Variants in DLG2 observed in about 807,000 individuals in gnomAD.
The protein encoded by DLG2 is disks large homolog 2.
DLG2 carries 45 observed loss-of-function variants against 132.5 expected under a neutral mutation model. That is an observed-to-expected ratio of 0.34 (90% CI 0.27 to 0.44). The LOEUF (loss-of-function observed/expected upper bound fraction) is 0.44, where lower values mean the gene tolerates loss of function less well. DLG2 is among the 20% of genes least tolerant of loss of function. DLG2 has a pLI of 1.00. For synonymous variants in DLG2, 424 were observed against 419.6 expected, an observed-to-expected ratio of 1.01 and a Z score of -0.13; for missense variants, 1,045 against 1,196.9, an observed-to-expected ratio of 0.87 and a Z score of 1.87.
chr11:84,324,352 T>C (rs532962543), intron 7 of DLG2, among the ~76,000 whole-genome samples: 1 of 151,932 alleles, frequency 6.6e-6, no homozygotes, highest in African/African-American at 2.4e-5. Flanking sequence ...TAAAAGATCA[T>C]TTGATTTTTA....
intron 18 of DLG2, among the ~76,000 whole-genome samples, chr11:83,742,764 A>G (rs966042591): frequency 1.3e-5 from 2 of 152,190 alleles, no homozygotes; most frequent in African/African-American, 4.8e-5. Flanking sequence ...TCATTTTTAC[A>G]GTAGAATTAG....
chr11:84,604,391 A>G (rs2154535127), intron 6 of DLG2, among the ~76,000 whole-genome samples: 1 of 151,982 alleles, frequency 6.6e-6, no homozygotes, highest in East Asian at 1.9e-4. Flanking sequence ...AAGTAATGAT[A>G]AGATAATGAA....
chr11:84,321,322 T>A (rs1269564114), intron 7 of DLG2, among the ~76,000 whole-genome samples: 1 of 152,192 alleles, frequency 6.6e-6, no homozygotes, highest in East Asian at 1.9e-4. Context: ...GCTCTAATTC[T>A]CTCTCACACA....
At chr11:85,520,969 G>A (rs1341850196) in intron 3 of DLG2, among the ~76,000 whole-genome samples, 1 of 152,114 alleles carries the variant, frequency 6.6e-6, no homozygotes, top group Non-Finnish European at 1.5e-5. Flanking sequence ...GATTTCTTGA[G>A]TAGTACCCTA....
intron 19 of DLG2, among the ~76,000 whole-genome samples, chr11:83,605,501 A>C (rs1386913769): frequency 6.6e-6 from 1 of 152,246 alleles, no homozygotes; most frequent in African/African-American, 2.4e-5. Context: ...AACAGCAACA[A>C]CGATTGATTA....
chr11:84,006,065 T>G (rs1280874316), intron 11 of DLG2, among the ~76,000 whole-genome samples: 3 of 151,764 alleles, frequency 2.0e-5, no homozygotes, highest in African/African-American at 7.3e-5. Context: ...AGCAAAGACA[T>G]GAAATCAATC....
chr11:84,546,750 C>T (rs190848522), intron 6 of DLG2: 6 of 389,048 alleles, frequency 1.5e-5, no homozygotes, highest in East Asian at 1.2e-4. Context: ...CTCACAATGG[C>T]TCTTCAGACT....
chr11:84,282,996 T>A (rs528060043), intron 7 of DLG2, among the ~76,000 whole-genome samples: 25 of 152,326 alleles, frequency 1.6e-4, no homozygotes, highest in African/African-American at 6.0e-4. Flanking sequence ...AACCACTTCA[T>A]GTAATTTTGA....
chr11:83,949,012 C>T (rs925243957), intron 14 of DLG2, among the ~76,000 whole-genome samples: 1 of 152,088 alleles, frequency 6.6e-6, no homozygotes, highest in South Asian at 2.1e-4. Flanking sequence ...CATAGACTGG[C>T]ATATATATGG....
At chr11:85,475,459 A>G (rs1208033301) in intron 3 of DLG2, among the ~76,000 whole-genome samples, 1 of 152,094 alleles carries the variant, frequency 6.6e-6, no homozygotes, top group Non-Finnish European at 1.5e-5. Flanking sequence ...TCAAAACTCT[A>G]TAAAATAATA....
At chr11:85,593,819 A>G (rs2079538822) in intron 3 of DLG2, among the ~76,000 whole-genome samples, 1 of 152,154 alleles carries the variant, frequency 6.6e-6, no homozygotes, top group South Asian at 2.1e-4. Context: ...TACTCAAACT[A>G]AAACTCTTAT....
chr11:84,630,747 A>G (rs1001194892), intron 6 of DLG2, among the ~76,000 whole-genome samples: 1 of 152,154 alleles, frequency 6.6e-6, no homozygotes, highest in Non-Finnish European at 1.5e-5. Flanking sequence ...TTCTGATGGC[A>G]TAACTCTTTA....
At chr11:84,637,912 A>T (rs1220463430) in intron 6 of DLG2, among the ~76,000 whole-genome samples, 1 of 152,208 alleles carries the variant, frequency 6.6e-6, no homozygotes, top group Non-Finnish European at 1.5e-5. Flanking sequence ...AAAAAGTTAA[A>T]CATTTACAAC....
intron 9 of DLG2, among the ~76,000 whole-genome samples, chr11:84,100,941 A>C (rs2092468148): frequency 6.6e-6 from 1 of 152,170 alleles, no homozygotes; most frequent in Non-Finnish European, 1.5e-5. Flanking sequence ...TGAATAATTC[A>C]GCTATGGCAA....
chr11:83,880,467 C>A (rs1482983891), intron 15 of DLG2, among the ~76,000 whole-genome samples: 1 of 152,170 alleles, frequency 6.6e-6, no homozygotes, highest in East Asian at 1.9e-4. Context: ...TTCCAGTGAT[C>A]TGGCTGGGTA....
intron 7 of DLG2, among the ~76,000 whole-genome samples, chr11:84,288,682 CT>C (rs2097943549): frequency 6.6e-6 from 1 of 152,040 alleles, no homozygotes; most frequent in Non-Finnish European, 1.5e-5. Flanking sequence ...AGAAAAACCC[CT>C]AAATGAAACG....
chr11:83,722,974 C>T (rs987674362), intron 18 of DLG2, among the ~76,000 whole-genome samples: 1 of 152,112 alleles, frequency 6.6e-6, no homozygotes. Flanking sequence ...TATTTATGGC[C>T]CCTACCAGAA....
At chr11:84,944,415 A>AT (rs1464283104) in intron 6 of DLG2, among the ~76,000 whole-genome samples, 2 of 151,550 alleles carry the variant, frequency 1.3e-5, no homozygotes, top group Non-Finnish European at 2.9e-5. Context: ...TTGCTTCATC[A>AT]TTTTTTGTTT....
At chr11:85,613,807 T>A (rs901943785) in intron 2 of DLG2, among the ~76,000 whole-genome samples, 1 of 152,222 alleles carries the variant, frequency 6.6e-6, no homozygotes, top group Admixed American at 6.5e-5. Context: ...AGAAGCTTTG[T>A]TCTTTCGCTC....
Sources: allele counts gnomAD v4.1 joint callset (sites outside exome capture counted in the v4.1 genomes callset), GRCh38; gene constraint gnomAD v4.1.1; transcripts MANE v1.5; gene names NCBI Gene and HGNC (gene_info 2026-07-23, HGNC 2026-07-21).